The following SCFD2 variants were observed in gnomAD, a reference collection of about 807,000 sequenced individuals.
SCFD2 encodes the protein sec1 family domain containing 2.
Under a neutral mutation model 58.9 loss-of-function variants are expected in SCFD2, and 54 were observed. That is an observed-to-expected ratio of 0.92 (90% CI 0.74 to 1.15). SCFD2 has a LOEUF of 1.15. SCFD2 is among the 50% of genes most tolerant of loss of function. The pLI is 0.00. For missense variants in SCFD2, 805 were observed against 836.6 expected (o/e 0.96, Z 0.47); for synonymous variants, 321 against 335.9 (o/e 0.96, Z 0.49).
At position 52,940,700 on chromosome 4, in the gene SCFD2, G is replaced by T. The variant is rs373691732; in HGVS notation, c.1562-19830C>A. 2.6e-5 allele frequency among the ~76,000 whole-genome samples: 4 copies of T among 152,128 alleles called. No homozygotes were observed. The East Asian group carries it at 5.8e-4, about 22-fold the overall frequency. ...ATTAAACTGATTTTTCTGAGGGCTC[G>T]GCCAGGGAACAATCTGTTTTGTGGT... is the stretch of plus-strand genomic sequence containing the variant. On this transcript the variant is annotated intron_variant, in intron 5 of 8. Coordinates refer to ENST00000401642, the MANE Select transcript of SCFD2 (RefSeq NM_152540.4).
intron 7 of SCFD2, among the ~76,000 whole-genome samples, chr4:52,890,217 T>C (rs1718849026): frequency 1.3e-5 from 2 of 152,208 alleles, no homozygotes; most frequent in Admixed American, 1.3e-4. Context: ...GACATATGCT[T>C]TCTATAAGAG....
At position 53,128,562 on chromosome 4, in the gene SCFD2, G is replaced by A. The variant is rs555191848; in HGVS notation, c.1561+16771C>T. 5.3e-5 allele frequency among the ~76,000 whole-genome samples: 8 copies of A among 152,206 alleles called. No homozygotes were observed. In the East Asian group the frequency reaches 1.3e-3, roughly 26 times the overall value. ...TGTGCATGTTTTCTGATTTCTCTCG[G>A]AGAGCTGTAAGGTTCGGAGGGGAGG... is the stretch of plus-strand genomic sequence containing the variant. On this transcript the variant is annotated intron_variant, in intron 5 of 8. Transcript: ENST00000401642.
intron 4 of SCFD2, among the ~76,000 whole-genome samples, chr4:53,181,180 A>G (rs1727540626): frequency 6.6e-6 from 1 of 152,330 alleles, no homozygotes; most frequent in South Asian, 2.1e-4. Flanking sequence ...TCCTGATACC[A>G]AAGCCTGGCA....
intron 3 of SCFD2, among the ~76,000 whole-genome samples, chr4:53,300,543 G>T (rs1273496163): frequency 6.6e-6 from 1 of 152,054 alleles, no homozygotes; most frequent in Non-Finnish European, 1.5e-5. Context: ...AGATCAACGA[G>T]AAAGAAAGTT....
chr4:53,060,268 C>T (rs753248780), intron 5 of SCFD2, among the ~76,000 whole-genome samples: 4 of 152,060 alleles, frequency 2.6e-5, no homozygotes, highest in African/African-American at 7.2e-5. Flanking sequence ...TACTGTTCTT[C>T]GTGTTACTCT....
chr4:52,978,858 T>G (rs983221975), intron 5 of SCFD2, among the ~76,000 whole-genome samples: 1 of 150,272 alleles, frequency 6.7e-6, no homozygotes, highest in Non-Finnish European at 1.5e-5. Context: ...ACATATAAGG[T>G]AAAGCAGGGA....
intron 4 of SCFD2, among the ~76,000 whole-genome samples, chr4:53,229,890 T>C (rs1449419195): frequency 6.6e-6 from 1 of 151,938 alleles, no homozygotes; most frequent in Non-Finnish European, 1.5e-5. Context: ...AGGGCTAATA[T>C]CCAGAATCTA....
intron 6 of SCFD2, among the ~76,000 whole-genome samples, chr4:52,917,657 A>G (rs1414473566): frequency 6.6e-6 from 1 of 152,174 alleles, no homozygotes; most frequent in African/African-American, 2.4e-5. Context: ...CAGGCTGTGA[A>G]AAGGTCCTGG....
At chr4:53,087,941 G>A (rs1342178875) in intron 5 of SCFD2, among the ~76,000 whole-genome samples, 2 of 152,102 alleles carry the variant, frequency 1.3e-5, no homozygotes, top group Non-Finnish European at 2.9e-5. Flanking sequence ...TTACAGGCAT[G>A]AGCCACCATG....
intron 4 of SCFD2, among the ~76,000 whole-genome samples, chr4:53,224,120 G>A (rs1317481054): frequency 6.6e-6 from 1 of 152,142 alleles, no homozygotes; most frequent in Admixed American, 6.5e-5. Flanking sequence ...GCTGGGCGCA[G>A]TGATTCACGC....
rs1399305675 is a variant in SCFD2, at chr4:53,190,893, A to G, written c.1312-45311T>C. ...AAAACTAGAGAATTCCTATAAATAT[A>G]TTTAAAACCATAATCACTATAAAAT... On this transcript the variant is annotated intron_variant, in intron 4 of 8. Transcript: ENST00000401642. Among the ~76,000 whole-genome samples the G allele has an allele frequency of 3.9e-5, 6 of 152,350 alleles. No individual in the cohort carries two copies. The South Asian group carries it at 1.2e-3, about 32-fold the overall frequency.
chr4:53,004,642 C>T (rs1324305614), intron 5 of SCFD2, among the ~76,000 whole-genome samples: 1 of 152,098 alleles, frequency 6.6e-6, no homozygotes, highest in Non-Finnish European at 1.5e-5. Context: ...GATTATGTGC[C>T]AAGTGTGGCT....
At chr4:53,275,534 C>A (rs1438649266) in intron 3 of SCFD2, among the ~76,000 whole-genome samples, 1 of 152,172 alleles carries the variant, frequency 6.6e-6, no homozygotes, top group Non-Finnish European at 1.5e-5. Context: ...TTTCTACATA[C>A]AGTAAAATTC....
intron 5 of SCFD2, among the ~76,000 whole-genome samples, chr4:53,088,923 T>G (rs1724389681): frequency 6.6e-6 from 1 of 152,092 alleles, no homozygotes; most frequent in African/African-American, 2.4e-5. Flanking sequence ...AGTGGGCACT[T>G]TGGTAGGTGA....
At chr4:53,340,851 G>A (rs1442442266) in intron 2 of SCFD2, among the ~76,000 whole-genome samples, 2 of 152,220 alleles carry the variant, frequency 1.3e-5, no homozygotes, top group African/African-American at 2.4e-5. Context: ...GGCAAACAGG[G>A]TCTGGAGTGG....
intron 6 of SCFD2, among the ~76,000 whole-genome samples, chr4:52,916,635 G>C (rs1415725151): frequency 6.6e-6 from 1 of 152,180 alleles, no homozygotes; most frequent in Non-Finnish European, 1.5e-5. Flanking sequence ...GGGGGCTTAG[G>C]TTTCCAGTCA....
chr4:53,069,583 A>G (rs1723760227), intron 5 of SCFD2, among the ~76,000 whole-genome samples: 1 of 152,084 alleles, frequency 6.6e-6, no homozygotes, highest in Non-Finnish European at 1.5e-5. Flanking sequence ...TGTGGTGGAA[A>G]AAAGAAAGAA....
At chr4:53,278,349 A>G in intron 3 of SCFD2, among the ~76,000 whole-genome samples, 1 of 146,378 alleles carries the variant, frequency 6.8e-6, no homozygotes, top group African/African-American at 2.6e-5. Context: ...GCAGAGAGAG[A>G]CTCCATCTTA....
chr4:53,071,121 G>A (rs1193649809), intron 5 of SCFD2, among the ~76,000 whole-genome samples: 1 of 152,074 alleles, frequency 6.6e-6, no homozygotes, highest in Non-Finnish European at 1.5e-5. Flanking sequence ...ATGTAGATAT[G>A]ACAAGTTGGA....
Sources: gnomAD v4.1 joint callset for allele counts (sites outside exome capture counted in the v4.1 genomes callset) on GRCh38, gnomAD v4.1.1 for gene constraint, MANE v1.5 for transcripts, NCBI Gene and HGNC (gene_info 2026-07-23, HGNC 2026-07-21) for gene names.